Variants in COL24A1 observed in about 807,000 individuals in gnomAD.
COL24A1 encodes collagen type XXIV alpha 1 chain, also known as collagen alpha-1(XXIV) chain.
In COL24A1, 224 loss-of-function variants were observed where a neutral mutation model predicts 253.9. The observed-to-expected ratio is 0.88, with a 90% CI of 0.79 to 0.99. The LOEUF (loss-of-function observed/expected upper bound fraction) is 0.99, where lower values mean the gene tolerates loss of function less well. Among genes scored for constraint, COL24A1 ranks in the 50% least tolerant of loss-of-function variants. The pLI is 0.00. For synonymous variants in COL24A1, 685 were observed against 673.7 expected (o/e 1.02, Z -0.26); for missense variants, 2,131 against 2,068.5 (o/e 1.03, Z -0.59).
intron 31 of COL24A1, among the ~76,000 whole-genome samples, chr1:85,894,520 T>C (rs1683452810): frequency 7.1e-6 from 1 of 140,742 alleles, no homozygotes; most frequent in South Asian, 2.4e-4. Flanking sequence ...ACAAAATGAA[T>C]AAGTAATTTT....
intron 14 of COL24A1, among the ~76,000 whole-genome samples, chr1:86,023,697 C>T (rs555687341): frequency 1.4e-4 from 21 of 152,208 alleles, no homozygotes; most frequent in Middle Eastern, 3.4e-3. Flanking sequence ...CCACTATTAT[C>T]TTCTGCAAGC....
At chr1:86,084,044 T>G (rs1702870825) in intron 7 of COL24A1, among the ~76,000 whole-genome samples, 1 of 152,110 alleles carries the variant, frequency 6.6e-6, no homozygotes, top group South Asian at 2.1e-4. Context: ...TTGTCAAATA[T>G]TACAGGACTC....
At chr1:86,034,506 G>A (rs1369820704) in intron 12 of COL24A1, among the ~76,000 whole-genome samples, 1 of 152,138 alleles carries the variant, frequency 6.6e-6, no homozygotes, top group Non-Finnish European at 1.5e-5. Flanking sequence ...GGACTGAGAT[G>A]TGAATGGAGG....
At chr1:85,920,605 T>C (rs777997788) in intron 24 of COL24A1, among the ~76,000 whole-genome samples, 3 of 152,120 alleles carry the variant, frequency 2.0e-5, no homozygotes, top group Non-Finnish European at 4.4e-5. Flanking sequence ...AACATCACTG[T>C]GTTTAATGTG....
At chr1:85,801,995 C>A (rs969262077) in intron 47 of COL24A1, among the ~76,000 whole-genome samples, 8 of 152,120 alleles carry the variant, frequency 5.3e-5, no homozygotes, top group Non-Finnish European at 1.0e-4. Flanking sequence ...CTACTAAAGC[C>A]ACCTCCTAAA....
intron 13 of COL24A1, among the ~76,000 whole-genome samples, chr1:86,032,700 TAGAG>T (rs1698675013): frequency 6.6e-6 from 1 of 152,116 alleles, no homozygotes; most frequent in Admixed American, 6.6e-5. Context: ...GAATATACTA[TAGAG>T]AATTATAAAC....
intron 1 of COL24A1, among the ~76,000 whole-genome samples, chr1:86,146,791 A>G (rs898723269): frequency 9.9e-5 from 15 of 152,076 alleles, no homozygotes; most frequent in Admixed American, 9.8e-4. Flanking sequence ...TTTGATTAGT[A>G]GTAGCTATGA....
chr1:85,927,617 C>G (rs1326677038), intron 24 of COL24A1, among the ~76,000 whole-genome samples: 33 of 105,270 alleles, frequency 3.1e-4, no homozygotes, highest in Non-Finnish European at 1.8e-4. Context: ...GTAGGCTCCA[C>G]CTCTGGGGGC....
intron 5 of COL24A1, among the ~76,000 whole-genome samples, chr1:86,093,882 G>GA (rs1187732755): frequency 3.3e-5 from 5 of 152,060 alleles, no homozygotes; most frequent in African/African-American, 1.2e-4. Flanking sequence ...ACAAGCATAT[G>GA]AAAAAAATCT....
In COL24A1 at chr1:86,073,590, C is replaced by T. The variant is rs142590905; in HGVS notation, c.1708-9831G>A. Among the ~76,000 whole-genome samples, 373 of 152,242 alleles carry T rather than the reference C, an allele frequency of 2.5e-3. 10 individuals carry two copies. In the East Asian group the frequency reaches 0.046, roughly 19 times the overall value. ...AACTTCCCCAACCTAGCAAGACAGA[C>T]CAACATTCAAATTCAGGAAATACAG... On this transcript the variant is annotated intron_variant, in intron 7 of 59. Transcript: ENST00000370571.
chr1:85,857,324 T>G (rs1678545186), intron 37 of COL24A1, among the ~76,000 whole-genome samples: 1 of 151,676 alleles, frequency 6.6e-6, no homozygotes, highest in Non-Finnish European at 1.5e-5. Flanking sequence ...TAGGAATATA[T>G]AGCTCTACAA....
Position 85,908,606 on chromosome 1 carries a change from C to CCAG in COL24A1, c.2715_2716insCTG (p.Leu905dup). On this transcript the variant is annotated inframe_insertion, in exon 27 of 60. Transcript: ENST00000370571. ...GTCTTTCCTGTACTTACAGGTAATCCCAATGGACCGATAGGTCCTGGAACC... is the reference window on the plus strand; with the variant it reads ...GTCTTTCCTGTACTTACAGGTAATCCCAGCAATGGACCGATAGGTCCTGGAACC... The CCAG allele has an allele frequency of 6.8e-7, 1 of 1,479,584 alleles. No homozygotes were observed. The allele number at this position is 1,479,584 out of a possible 1,614,324, so 91.7% of individuals were successfully genotyped here.
intron 52 of COL24A1, among the ~76,000 whole-genome samples, chr1:85,778,307 T>C (rs1668802339): frequency 6.6e-6 from 1 of 152,090 alleles, no homozygotes; most frequent in African/African-American, 2.4e-5. Context: ...TCTCACTATA[T>C]TGCCAAGGCT....
At chr1:86,074,467 G>A (rs1702107133) in intron 7 of COL24A1, among the ~76,000 whole-genome samples, 2 of 152,120 alleles carry the variant, frequency 1.3e-5, no homozygotes, top group Non-Finnish European at 2.9e-5. Context: ...CAAGTTCTTA[G>A]AGATCTACAA....
chr1:86,126,523 A>T (rs368078954), intron 2 of COL24A1, among the ~76,000 whole-genome samples: 16 of 152,150 alleles, frequency 1.1e-4, no homozygotes, highest in African/African-American at 3.6e-4. Context: ...CCCAGGCTGG[A>T]GTGCAGCAGC....
intron 24 of COL24A1, among the ~76,000 whole-genome samples, chr1:85,940,082 C>A (rs1180277132): frequency 6.6e-6 from 1 of 152,136 alleles, no homozygotes; most frequent in Non-Finnish European, 1.5e-5. Context: ...CAATTTTATA[C>A]AAACCCTGCA....
chr1:85,824,526 T>C (rs935319803), intron 43 of COL24A1, among the ~76,000 whole-genome samples: 3 of 152,120 alleles, frequency 2.0e-5, no homozygotes, highest in African/African-American at 7.2e-5. Context: ...TTCACAACTA[T>C]TTGGACGGTA....
chr1:86,031,859 G>T lies in COL24A1; in HGVS notation c.2049+19C>A. ...AATAAAATATTTTCTTAAGAATGATGATATTTAGTGATACTCACTCTAAGC... is the reference window on the plus strand; with the variant it reads ...AATAAAATATTTTCTTAAGAATGATTATATTTAGTGATACTCACTCTAAGC... On this transcript the variant is annotated intron_variant, in intron 14 of 59. Coordinates refer to ENST00000370571, the MANE Select transcript of COL24A1 (RefSeq NM_152890.7). 6.3e-7 allele frequency: 1 copy of T among 1,580,794 alleles called. No homozygotes were observed. Among genetic ancestry groups the T allele is most frequent in the Non-Finnish European group, 8.6e-7 (1 of 1,161,140 alleles).
At position 85,729,291 on chromosome 1, in the gene COL24A1, T is replaced by C. The variant is rs1185523857; in HGVS notation, c.*1255A>G. The stretch of plus-strand genomic sequence containing the variant: ...AAGTGTGGTTTGCTGTGGCTAAAGA[T>C]ATATTTATAATGGATGAACAAGCTT... On this transcript the variant is annotated 3_prime_UTR_variant, in exon 60 of 60. Coordinates refer to ENST00000370571, the MANE Select transcript of COL24A1 (RefSeq NM_152890.7). 6 of 152,174 alleles carry C rather than the reference T, an allele frequency of 3.9e-5. No individual in the cohort carries two copies. Among genetic ancestry groups the C allele is most frequent in the Admixed American group, 3.9e-4 (6 of 15,272 alleles). 9.4% of individuals were successfully genotyped at this position (152,174 alleles called of 1,614,324 possible).
Sources: gnomAD v4.1 joint callset for allele counts (sites outside exome capture counted in the v4.1 genomes callset) on GRCh38, gnomAD v4.1.1 for gene constraint, MANE v1.5 for transcripts, NCBI Gene and HGNC (gene_info 2026-07-23, HGNC 2026-07-21) for gene names.